GLDN: variants seen among roughly 807,000 people sequenced by gnomAD.
GLDN encodes collomin.
A neutral mutation model predicts 56.5 loss-of-function variants in GLDN; 47 were observed. That is an observed-to-expected ratio of 0.83 (90% CI 0.66 to 1.06). The LOEUF (loss-of-function observed/expected upper bound fraction) is 1.06. GLDN is among the 50% of genes least tolerant of loss of function. GLDN has a pLI of 0.00. For synonymous variants in GLDN, 332 were observed against 278.8 expected (o/e 1.19, Z -1.90); for missense variants, 782 against 714.3 (o/e 1.09, Z -1.08).
rs1227316667 is a variant in GLDN at position 51,406,107 on chromosome 15, G to C, written c.*1353G>C. The C allele has an allele frequency of 1.3e-5, 2 of 152,192 alleles. No homozygotes were observed. Among genetic ancestry groups the C allele is most frequent in the African/African-American group, 2.4e-5 (1 of 41,446 alleles). The allele number at this position is 152,192 out of a possible 1,614,324, so 9.4% of individuals were successfully genotyped here. On this transcript the variant is annotated 3_prime_UTR_variant, in exon 10 of 10. Coordinates refer to ENST00000335449, the MANE Select transcript of GLDN (RefSeq NM_181789.4). ...ACTTGCGTTTTGAGTAGAGGGGAAG[G>C]CTGATAACGGCGTAAGATGAAGTGG...
intron 1 of GLDN, among the ~76,000 whole-genome samples, chr15:51,370,481 G>A (rs1228227603): frequency 6.6e-6 from 1 of 152,186 alleles, no homozygotes; most frequent in Non-Finnish European, 1.5e-5. Flanking sequence ...GACTTTACAA[G>A]AGTTCTAGTT....
chr15:51,343,812 C>T (rs1172213057), intron 1 of GLDN, among the ~76,000 whole-genome samples: 1 of 152,206 alleles, frequency 6.6e-6, no homozygotes, highest in African/African-American at 2.4e-5. Flanking sequence ...TAGGAATCAG[C>T]TGGAAGCATA....
rs200764654 is a variant in GLDN at position 51,404,592 on chromosome 15, G to C, written c.1494G>C (p.Leu498Phe). 4.8e-5 allele frequency: 78 copies of C among 1,614,190 alleles called. No homozygotes were observed. Among genetic ancestry groups the C allele is most frequent in the Non-Finnish European group, 7.6e-6 (9 of 1,180,032 alleles). Reference protein sequence around the residue: ...KDMRVTFAFDLLGGKQINANF... With the variant: ...KDMRVTFAFDFLGGKQINANF... ...TGAGGGTCACATTTGCCTTTGATTT[G>C]TTAGGAGGGAAACAGATCAATGCAA... is the stretch of plus-strand genomic sequence containing the variant. Residue 498 changes from leucine (L) to phenylalanine (F), a missense_variant, in exon 10 of 10, where the codon TTG (leucine) becomes TTC (phenylalanine). By Grantham distance (22) the Leu-to-Phe change is conservative. Coordinates refer to ENST00000335449, the MANE Select transcript of GLDN (RefSeq NM_181789.4).
chr15:51,381,798 C>T (rs1453825563), intron 2 of GLDN, among the ~76,000 whole-genome samples: 1 of 151,400 alleles, frequency 6.6e-6, no homozygotes, highest in Non-Finnish European at 1.5e-5. Flanking sequence ...GCCCATCCTC[C>T]ATGTCTCTCT....
chr15:51,410,539 G>A (rs368740911), downstream of GLDN, among the ~76,000 whole-genome samples: 7 of 152,148 alleles, frequency 4.6e-5, no homozygotes, highest in East Asian at 7.7e-4. Context: ...CCTGTAGATT[G>A]ACTTTCTCTG....
At chr15:51,412,362 TAGG>T (rs1457970298), downstream of GLDN, among the ~76,000 whole-genome samples, 1 of 152,224 alleles carries the variant, frequency 6.6e-6, no homozygotes, top group Admixed American at 6.5e-5. Flanking sequence ...GACATCCACA[TAGG>T]AGGAGACTCA....
At chr15:51,360,692 C>G (rs775934275) in intron 1 of GLDN, among the ~76,000 whole-genome samples, 1 of 152,230 alleles carries the variant, frequency 6.6e-6, no homozygotes, top group Non-Finnish European at 1.5e-5. Flanking sequence ...TCTCCCACCC[C>G]CTAAGTTGTG....
chr15:51,344,365 A>G (rs1216950721), intron 1 of GLDN, among the ~76,000 whole-genome samples: 3 of 152,230 alleles, frequency 2.0e-5, no homozygotes, highest in Admixed American at 2.0e-4. Context: ...CGAGGAGCCA[A>G]TTTTATTACT....
chr15:51,380,415 G>A (rs2037732426), intron 2 of GLDN, among the ~76,000 whole-genome samples: 1 of 152,230 alleles, frequency 6.6e-6, no homozygotes, highest in Non-Finnish European at 1.5e-5. Context: ...AGAAGGGTCA[G>A]GAGCTGAGAA....
chr15:51,356,077 C>G lies in GLDN; in HGVS notation c.363+14030C>G, dbSNP rs529456711. 2.6e-4 allele frequency among the ~76,000 whole-genome samples: 40 copies of G among 151,616 alleles called. No homozygotes were observed. In the East Asian group the frequency reaches 7.6e-3, roughly 29 times the overall value. ...AAAAGATTAGCCGGGCGTGGTGGTG[C>G]GTGCCCGTGGTCCCAGCCACTCCAG... is the stretch of plus-strand genomic sequence containing the variant. On this transcript the variant is annotated intron_variant, in intron 1 of 9. Transcript: ENST00000335449.
At chr15:51,343,326 A>G (rs1206764987) in intron 1 of GLDN, among the ~76,000 whole-genome samples, 3 of 151,424 alleles carry the variant, frequency 2.0e-5, no homozygotes, top group African/African-American at 7.3e-5. Flanking sequence ...GGACCTAAGC[A>G]GAAGTTTCAA....
intron 5 of GLDN, among the ~76,000 whole-genome samples, chr15:51,396,425 G>C (rs1464126370): frequency 1.3e-5 from 2 of 152,230 alleles, no homozygotes; most frequent in Non-Finnish European, 2.9e-5. Context: ...GTATTTGTGG[G>C]AGAAGAGGGT....
rs1266140625 is a variant in GLDN at position 51,397,578 on chromosome 15, T to C, written c.797T>C (p.Met266Thr). 6.3e-7 allele frequency: 1 copy of C among 1,598,944 alleles called. No homozygotes were observed. The highest frequency in any genetic ancestry group is 1.7e-5 in the Admixed American group (1 of 59,092). Residue 266 changes from methionine (M) to threonine (T), a missense_variant, in exon 6 of 10, where the codon ATG (methionine) becomes ACG (threonine). Coordinates refer to ENST00000335449, the MANE Select transcript of GLDN (RefSeq NM_181789.4). ...GCCAAAGGCCCTCGGCAGCCAAGCA[T>C]GTTCAACGGCCAGTGCCCAGGTCAC... ...RRAKGPRQPS[M>T]FNGQCPGETC...
In GLDN at chr15:51,400,244, G is replaced by A. The variant is rs772793624; in HGVS notation, c.870G>A (p.Glu290=). The A allele has an allele frequency of 1.2e-6, 2 of 1,614,090 alleles. No individual in the cohort carries two copies. The highest frequency in any genetic ancestry group is 8.5e-7 in the Non-Finnish European group (1 of 1,180,040). Reference sequence around the variant, plus strand: ...ATACCTTGGTTGGAAAAGCTGATGAGAAAGCCAGTGAACACCATTCCCCAC... The same window carrying A: ...ATACCTTGGTTGGAAAAGCTGATGAAAAAGCCAGTGAACACCATTCCCCAC... ...NDDTLVGKAD[E]KASEHHSPQA... Residue 290 remains glutamate (E), a synonymous_variant, in exon 7 of 10, where the codon GAG becomes GAA. Transcript: ENST00000335449.
At chr15:51,387,863 G>A (rs1262451609) in intron 4 of GLDN, among the ~76,000 whole-genome samples, 1 of 152,168 alleles carries the variant, frequency 6.6e-6, no homozygotes, top group Non-Finnish European at 1.5e-5. Context: ...ACTCCACTAA[G>A]GTCTCCGTAC....
At chr15:51,387,831 T>C (rs1466595990) in intron 4 of GLDN, among the ~76,000 whole-genome samples, 2 of 152,202 alleles carry the variant, frequency 1.3e-5, no homozygotes, top group African/African-American at 4.8e-5. Flanking sequence ...CCATAATACA[T>C]AGCCAGCATT....
chr15:51,376,361 A>G (rs2037630871), intron 1 of GLDN, among the ~76,000 whole-genome samples: 1 of 152,220 alleles, frequency 6.6e-6, no homozygotes, highest in African/African-American at 2.4e-5. Flanking sequence ...ACAGTATAAA[A>G]GATTTAAAAT....
chr15:51,365,130 G>T (rs1286952986), intron 1 of GLDN, among the ~76,000 whole-genome samples: 1 of 152,194 alleles, frequency 6.6e-6, no homozygotes, highest in Non-Finnish European at 1.5e-5. Context: ...TAGTTCAAAG[G>T]TGTTTTTTAA....
intron 4 of GLDN, chr15:51,384,121 C>T (rs561362707): frequency 2.4e-5 from 13 of 538,384 alleles, no homozygotes; most frequent in Non-Finnish European, 4.0e-5. Context: ...CTCCTGGGAA[C>T]TGACTCGCAC....
Sources: gnomAD v4.1 joint callset for allele counts (sites outside exome capture counted in the v4.1 genomes callset) on GRCh38, gnomAD v4.1.1 for gene constraint, MANE v1.5 for transcripts, NCBI Gene and HGNC (gene_info 2026-07-23, HGNC 2026-07-21) for gene names.